DPP6: variants seen among roughly 807,000 people sequenced by gnomAD.
DPP6 encodes A-type potassium channel modulatory protein DPP6.
In DPP6, 69 loss-of-function variants were observed where a neutral mutation model predicts 122.6. The observed-to-expected ratio is 0.56, with a 90% CI of 0.46 to 0.69. DPP6 has a LOEUF of 0.69. Among genes scored for constraint, DPP6 ranks in the 30% least tolerant of loss-of-function variants. The probability of loss-of-function intolerance (pLI) is 0.00; values close to 1 mark genes in which losing one functional copy is unlikely to be tolerated. For missense variants in DPP6, 928 were observed against 1,116.9 expected (o/e 0.83, Z 2.41); for synonymous variants, 418 against 433.1 (o/e 0.97, Z 0.43).
rs201987607 is a variant in DPP6 at position 154,831,604 on chromosome 7, C to CT, written c.1667-22171dup. On this transcript the variant is annotated intron_variant, in intron 16 of 25. Transcript: ENST00000377770. Reference sequence around the variant, plus strand: ...TTTATGAATGTTACAAACATTATTTCTTTTTAAAAAAAATCTCTTGAAATC... The same window carrying CT: ...TTTATGAATGTTACAAACATTATTTCTTTTTTAAAAAAAATCTCTTGAAATC... Among the ~76,000 whole-genome samples the CT allele has an allele frequency of 9.1e-3, 1,385 of 152,096 alleles. 20 individuals carry two copies. Among genetic ancestry groups the CT allele is most frequent in the African/African-American group, 0.03 (1,263 of 41,412 alleles).
intron 21 of DPP6, chr7:154,883,664 T>G (rs372428122): frequency 7.9e-6 from 1 of 126,078 alleles, no homozygotes; most frequent in Middle Eastern, 4.5e-3. Context: ...ATACACATGC[T>G]CACACGATTA....
intron 5 of DPP6, among the ~76,000 whole-genome samples, chr7:154,577,528 A>G (rs1831763875): frequency 1.3e-5 from 2 of 152,200 alleles, no homozygotes; most frequent in South Asian, 4.1e-4. Flanking sequence ...TCCTGCAGTG[A>G]TAATGTAGTA....
At chr7:154,108,032 GA>G (rs1429031914) in intron 1 of DPP6, among the ~76,000 whole-genome samples, 16 of 152,342 alleles carry the variant, frequency 1.1e-4, no homozygotes, top group African/African-American at 2.9e-4. Flanking sequence ...ACTGGACAAT[GA>G]AAGGAAAATT....
intron 6 of DPP6, 109 bp from the exon 7 acceptor site, chr7:154,669,251 C>T (rs893758331): frequency 2.9e-5 from 43 of 1,495,884 alleles, no homozygotes; most frequent in Non-Finnish European, 3.6e-5. Context: ...AAATGGATAC[C>T]ATGGAAGGAG....
At chr7:154,511,580 G>A (rs1301040163) in intron 3 of DPP6, among the ~76,000 whole-genome samples, 1 of 152,206 alleles carries the variant, frequency 6.6e-6, no homozygotes, top group Non-Finnish European at 1.5e-5. Flanking sequence ...TGAGAAAGCA[G>A]CTGAAAGACT....
At chr7:154,134,135 C>T (rs111900128) in intron 1 of DPP6, among the ~76,000 whole-genome samples, 28 of 152,196 alleles carry the variant, frequency 1.8e-4, no homozygotes, top group Non-Finnish European at 2.9e-4. Flanking sequence ...GAGTGAGATA[C>T]GTAGTTTCTG....
Position 154,154,740 on chromosome 7 carries a change from G to T in DPP6, c.243+101677G>T, listed in dbSNP as rs147709393. The stretch of plus-strand genomic sequence containing the variant: ...TAAGAAATGGCCATAGAATGTATGA[G>T]ATTTCTTTTTAAAAGAACTTTACTC... On this transcript the variant is annotated intron_variant, in intron 1 of 25. Transcript: ENST00000377770. Among the ~76,000 whole-genome samples the T allele has an allele frequency of 5.6e-3, 859 of 152,258 alleles. 7 individuals carry two copies. Among genetic ancestry groups the T allele is most frequent in the African/African-American group, 0.019 (805 of 41,534 alleles).
chr7:154,079,561 T>C (rs1803839608), intron 1 of DPP6, among the ~76,000 whole-genome samples: 1 of 151,922 alleles, frequency 6.6e-6, no homozygotes, highest in Non-Finnish European at 1.5e-5. Context: ...GACCTAGAGA[T>C]GGGGGATAAC....
At position 154,547,130 on chromosome 7, in the gene DPP6, T is replaced by G. The variant is rs563008355; in HGVS notation, c.552+6504T>G. On this transcript the variant is annotated intron_variant, in intron 4 of 25. Transcript: ENST00000377770. ...TGGCCCCCGGGAAGTGGGCTCAGCCTCGGTTTCAGCTCCTGTTGTCCTGAG... is the reference window on the plus strand; with the variant it reads ...TGGCCCCCGGGAAGTGGGCTCAGCCGCGGTTTCAGCTCCTGTTGTCCTGAG... Among the ~76,000 whole-genome samples, 78 of 152,342 alleles carry G rather than the reference T, an allele frequency of 5.1e-4. 1 individual carries two copies. The highest frequency in any genetic ancestry group is 1.0e-3 in the Non-Finnish European group (70 of 68,034).
At chr7:153,775,940 G>A in the DPP6 span, among the ~76,000 whole-genome samples, 1 of 152,076 alleles carries the variant, frequency 6.6e-6, no homozygotes, top group African/African-American at 2.4e-5. Flanking sequence ...ATCATTGGGG[G>A]AATATACTGT....
chr7:154,563,041 G>A (rs1235706557), intron 4 of DPP6, among the ~76,000 whole-genome samples: 1 of 152,122 alleles, frequency 6.6e-6, no homozygotes, highest in Non-Finnish European at 1.5e-5. Context: ...AATATGATTA[G>A]ACCTAGAGAA....
chr7:154,200,365 C>G (rs1791823029), intron 1 of DPP6, among the ~76,000 whole-genome samples: 1 of 152,134 alleles, frequency 6.6e-6, no homozygotes, highest in Non-Finnish European at 1.5e-5. Flanking sequence ...TCCCTTCTCG[C>G]TATTTTGAAA....
chr7:153,925,116 T>A (rs1464002899), intron 1 of DPP6, among the ~76,000 whole-genome samples: 1 of 152,154 alleles, frequency 6.6e-6, no homozygotes, highest in South Asian at 2.1e-4. Flanking sequence ...AGGAGCCCAT[T>A]AACCACAAGC....
chr7:154,151,835 T>A (rs2150687437), intron 1 of DPP6, among the ~76,000 whole-genome samples: 1 of 152,060 alleles, frequency 6.6e-6, no homozygotes, highest in African/African-American at 2.4e-5. Context: ...CTGGGGAACC[T>A]GACCTAAGGC....
At chr7:154,737,956 T>C (rs1191190487) in intron 8 of DPP6, among the ~76,000 whole-genome samples, 1 of 152,072 alleles carries the variant, frequency 6.6e-6, no homozygotes, top group Non-Finnish European at 1.5e-5. Context: ...CAAAGAATTA[T>C]TGCAAAGTTA....
intron 5 of DPP6, among the ~76,000 whole-genome samples, chr7:154,610,865 C>T (rs1050827547): frequency 6.6e-6 from 1 of 152,104 alleles, no homozygotes; most frequent in Admixed American, 6.6e-5. Context: ...TTAATCCCAG[C>T]ATTTTATGTG....
chr7:154,529,460 G>A (rs576123419), intron 3 of DPP6, among the ~76,000 whole-genome samples: 1 of 148,898 alleles, frequency 6.7e-6, no homozygotes, highest in African/African-American at 2.4e-5. Context: ...TCAAAACCCA[G>A]AATGTCCAGA....
At chr7:153,892,823 A>C (rs1799263543) in intron 1 of DPP6, among the ~76,000 whole-genome samples, 1 of 152,144 alleles carries the variant, frequency 6.6e-6, no homozygotes, top group Non-Finnish European at 1.5e-5. Context: ...GTTTTCTGAG[A>C]GTTGTCACCA....
At chr7:154,002,128 G>A (rs1797717446) in intron 1 of DPP6, among the ~76,000 whole-genome samples, 1 of 152,228 alleles carries the variant, frequency 6.6e-6, no homozygotes. Flanking sequence ...AAAACATGCA[G>A]TTTAAGAGGA....
Sources: allele counts gnomAD v4.1 joint callset (sites outside exome capture counted in the v4.1 genomes callset), GRCh38; gene constraint gnomAD v4.1.1; transcripts MANE v1.5; gene names NCBI Gene and HGNC (gene_info 2026-07-23, HGNC 2026-07-21).